DAP: variants seen among roughly 807,000 people sequenced by gnomAD.
DAP encodes death-associated protein 1.
Under a neutral mutation model 13.8 loss-of-function variants are expected in DAP, and 8 were observed. That is an observed-to-expected ratio of 0.58 (90% CI 0.34 to 1.05). DAP has a LOEUF of 1.05. Ranked by LOEUF, DAP falls within the 50% of genes least tolerant of loss-of-function variation. The pLI is 0.03. For synonymous variants in DAP, 47 were observed against 47.5 expected, an observed-to-expected ratio of 0.99 and a Z score of 0.04; for missense variants, 106 against 133.2, an observed-to-expected ratio of 0.80 and a Z score of 1.01.
intron 1 of DAP, among the ~76,000 whole-genome samples, chr5:10,751,714 GA>G (rs1740051932): frequency 6.6e-6 from 1 of 152,148 alleles, no homozygotes; most frequent in South Asian, 2.1e-4. Flanking sequence ...TAATATAATA[GA>G]AATGGTGTCT....
chr5:10,739,201 C>CAAAAAAAAAAAAAAAAAA (rs10644743), intron 2 of DAP, among the ~76,000 whole-genome samples: 9 of 71,600 alleles, frequency 1.3e-4, no homozygotes, highest in African/African-American at 3.3e-4. Flanking sequence ...GACTCTGAAT[C>CAAAAAAAAAAAAAAAAAA]AAAAAAAAAA....
At chr5:10,709,935 T>C (rs1738800052) in intron 2 of DAP, among the ~76,000 whole-genome samples, 1 of 152,218 alleles carries the variant, frequency 6.6e-6, no homozygotes, top group South Asian at 2.1e-4. Flanking sequence ...TGCACATTTC[T>C]ATATACTACA....
intron 2 of DAP, among the ~76,000 whole-genome samples, chr5:10,700,770 A>G (rs1349363619): frequency 6.6e-6 from 1 of 152,208 alleles, no homozygotes; most frequent in African/African-American, 2.4e-5. Context: ...TCTCTGCAGC[A>G]TTATAGGACT....
intron 2 of DAP, among the ~76,000 whole-genome samples, chr5:10,734,494 G>A (rs752087055): frequency 7.9e-5 from 12 of 152,114 alleles, no homozygotes; most frequent in Non-Finnish European, 1.5e-4. Context: ...ATGCTGTGCC[G>A]CTCTGTGGCG....
intron 2 of DAP, among the ~76,000 whole-genome samples, chr5:10,726,912 T>G (rs1275454280): frequency 6.6e-6 from 1 of 152,088 alleles, no homozygotes; most frequent in Non-Finnish European, 1.5e-5. Context: ...CACTTATGCA[T>G]GTAGTGGAAT....
chr5:10,706,010 G>A (rs1233606717), intron 2 of DAP, among the ~76,000 whole-genome samples: 1 of 152,126 alleles, frequency 6.6e-6, no homozygotes, highest in African/African-American at 2.4e-5. Context: ...AGTCACCTCC[G>A]CCCTCTGGAC....
At chr5:10,711,214 C>T (rs1459406453) in intron 2 of DAP, among the ~76,000 whole-genome samples, 1 of 152,186 alleles carries the variant, frequency 6.6e-6, no homozygotes, top group Non-Finnish European at 1.5e-5. Flanking sequence ...GTGAGCAGAC[C>T]TCGGGATCAG....
chr5:10,711,700 G>A (rs531291236), intron 2 of DAP, among the ~76,000 whole-genome samples: 5 of 152,274 alleles, frequency 3.3e-5, no homozygotes, highest in South Asian at 2.1e-4. Context: ...TGGGTGGGAC[G>A]TCTGTTTACT....
chr5:10,759,213 T>TGACA (rs1395369825), intron 1 of DAP, among the ~76,000 whole-genome samples: 1 of 152,158 alleles, frequency 6.6e-6, no homozygotes, highest in Non-Finnish European at 1.5e-5. Context: ...TCTTTATGGG[T>TGACA]GTGTCTCTGT....
chr5:10,756,316 A>T (rs1740180932), intron 1 of DAP, among the ~76,000 whole-genome samples: 1 of 95,166 alleles, frequency 1.1e-5, no homozygotes, highest in Admixed American at 1.0e-4. Flanking sequence ...TGACACTGGG[A>T]CTATGCTTAG....
chr5:10,682,463 C>T (rs1286758522), intron 3 of DAP, among the ~76,000 whole-genome samples: 1 of 147,624 alleles, frequency 6.8e-6, no homozygotes, highest in African/African-American at 2.5e-5. Flanking sequence ...GTGAGGAAGC[C>T]CCAGGCCAGC....
intron 2 of DAP, among the ~76,000 whole-genome samples, chr5:10,704,323 T>G (rs1738649585): frequency 6.6e-6 from 1 of 152,220 alleles, no homozygotes; most frequent in African/African-American, 2.4e-5. Flanking sequence ...TATCCTCACA[T>G]CAGCTCAATT....
At chr5:10,754,926 G>A (rs1740143098) in intron 1 of DAP, among the ~76,000 whole-genome samples, 1 of 152,176 alleles carries the variant, frequency 6.6e-6, no homozygotes, top group Non-Finnish European at 1.5e-5. Flanking sequence ...CCCCACTCTG[G>A]AACCTGTGAG....
chr5:10,688,767 C>T lies in DAP; in HGVS notation c.153-5196G>A, dbSNP rs73741454. On this transcript the variant is annotated intron_variant, in intron 2 of 3. Coordinates refer to ENST00000230895, the MANE Select transcript of DAP (RefSeq NM_004394.3). ...ATGAGGGTGGTCTACCCTGTGAGTA[C>T]GCCACCCTTTGCAGAGGTGGAGTGG... Among the ~76,000 whole-genome samples, 845 of 152,254 alleles carry T rather than the reference C, an allele frequency of 5.5e-3. 16 individuals are homozygous for T. Among genetic ancestry groups the T allele is most frequent in the African/African-American group, 0.019 (796 of 41,524 alleles).
At chr5:10,690,050 T>C (rs1738267287) in intron 2 of DAP, among the ~76,000 whole-genome samples, 1 of 152,178 alleles carries the variant, frequency 6.6e-6, no homozygotes, top group Non-Finnish European at 1.5e-5. Flanking sequence ...AATAAGGCAC[T>C]GAAAGAAAAG....
At chr5:10,750,121 G>A (rs1381570025) in intron 1 of DAP, among the ~76,000 whole-genome samples, 11 of 152,142 alleles carry the variant, frequency 7.2e-5, no homozygotes, top group Admixed American at 6.5e-4. Flanking sequence ...AAGTCTCTGA[G>A]TCTCTGCCAC....
At chr5:10,748,358 T>C (rs2111385328) in intron 1 of DAP, 87 bp from the exon 2 acceptor site, 1 of 1,010,114 alleles carries the variant, frequency 9.9e-7, no homozygotes, top group Non-Finnish European at 1.6e-6. Context: ...TTCTGGTTGC[T>C]CAGTGGCCAC....
At chr5:10,693,953 C>T (rs1245525727) in intron 2 of DAP, among the ~76,000 whole-genome samples, 1 of 152,138 alleles carries the variant, frequency 6.6e-6, no homozygotes, top group African/African-American at 2.4e-5. Context: ...GTTCCTTCGG[C>T]AGGTGATGTT....
intron 2 of DAP, among the ~76,000 whole-genome samples, chr5:10,708,019 G>A (rs967804980): frequency 6.6e-6 from 1 of 152,096 alleles, no homozygotes; most frequent in Non-Finnish European, 1.5e-5. Context: ...GGAATTTCAC[G>A]GGCAATACAA....
Sources: gnomAD v4.1 joint callset for allele counts (sites outside exome capture counted in the v4.1 genomes callset) on GRCh38, gnomAD v4.1.1 for gene constraint, MANE v1.5 for transcripts, NCBI Gene and HGNC (gene_info 2026-07-23, HGNC 2026-07-21) for gene names.